AVEN: variants seen among roughly 807,000 people sequenced by gnomAD.
AVEN encodes cell death regulator Aven.
In AVEN, 41 loss-of-function variants were observed where a neutral mutation model predicts 38.1. The observed-to-expected ratio is 1.08, with a 90% confidence interval of 0.84 to 1.40. AVEN has a LOEUF of 1.40. Among genes scored for constraint, AVEN ranks in the 40% most tolerant of loss-of-function variants. AVEN has a pLI of 0.00. For missense variants in AVEN, 605 were observed against 438.8 expected, an observed-to-expected ratio of 1.38 and a Z score of -3.38; for synonymous variants, 206 against 171.8, an observed-to-expected ratio of 1.20 and a Z score of -1.56.
At chr15:34,002,541 G>A (rs927423591) in intron 2 of AVEN, among the ~76,000 whole-genome samples, 2 of 152,002 alleles carry the variant, frequency 1.3e-5, no homozygotes, top group South Asian at 4.2e-4. Flanking sequence ...TTTATTGACA[G>A]AGAAGACTAT....
At position 33,986,104 on chromosome 15, in the gene AVEN, G is replaced by T. The variant is rs7163380; in HGVS notation, c.445+16928C>A. On this transcript the variant is annotated intron_variant, in intron 2 of 5. Transcript: ENST00000306730. Reference sequence around the variant, plus strand: ...CATTTCACTGTAAATTTTTTTTTTTGTTTTTTGTTTTTTGTTTTTTGAGAT... The same window carrying T: ...CATTTCACTGTAAATTTTTTTTTTTTTTTTTTGTTTTTTGTTTTTTGAGAT... Among the ~76,000 whole-genome samples the T allele has an allele frequency of 1.2e-4, 18 of 151,446 alleles. No individual in the cohort carries two copies. The East Asian group carries it at 2.1e-3, about 18-fold the overall frequency.
At chr15:33,859,240 CACTCTTAA>C (rs2080073546) in intron 11 of AVEN, 1 of 243,648 alleles carries the variant, frequency 4.1e-6, no homozygotes, top group Non-Finnish European at 7.9e-6. Context: ...GCCAGGCTAA[CACTCTTAA>C]AATTAAATGA....
intron 5 of AVEN, among the ~76,000 whole-genome samples, chr15:33,866,992 G>T (rs191299322): frequency 6.6e-6 from 1 of 151,998 alleles, no homozygotes; most frequent in Admixed American, 6.6e-5. Flanking sequence ...TATTGCAGCA[G>T]TCCTGGAAAA....
At position 34,055,235 on chromosome 15, in the gene AVEN, G is replaced by A. The variant is rs374168315; in HGVS notation, n.1637+7687C>T. Among the ~76,000 whole-genome samples, 34 of 149,532 alleles carry A rather than the reference G, an allele frequency of 2.3e-4. 1 individual carries two copies. In the East Asian group the frequency reaches 5.0e-3, roughly 22 times the overall value. ...TAAACAAGGCCAGGCCCGGTAGCTC[G>A]CACCTGTAATCCCAGCATTTGGGAG... On this transcript the variant is annotated intron_variant and non_coding_transcript_variant, in intron 5 of 11. Transcript: ENST00000675287.
At chr15:34,005,969 A>C (rs1421090462) in intron 1 of AVEN, among the ~76,000 whole-genome samples, 1 of 152,228 alleles carries the variant, frequency 6.6e-6, no homozygotes, top group Non-Finnish European at 1.5e-5. Context: ...GATTAAAGAG[A>C]TATAATAGAA....
At chr15:34,047,317 T>C (rs955657352) in intron 5 of AVEN, among the ~76,000 whole-genome samples, 1 of 152,138 alleles carries the variant, frequency 6.6e-6, no homozygotes, top group South Asian at 2.1e-4. Context: ...GACCTGATGA[T>C]CCGCCCGTGT....
chr15:33,861,306 G>C (rs1297103532), downstream of AVEN: 2 of 614,358 alleles, frequency 3.3e-6, no homozygotes, highest in Non-Finnish European at 5.8e-6. Context: ...CCATGAGCCT[G>C]TACCTTTGTC....
chr15:34,054,865 C>A (rs1162408302), intron 5 of AVEN, among the ~76,000 whole-genome samples: 1 of 152,132 alleles, frequency 6.6e-6, no homozygotes, highest in Non-Finnish European at 1.5e-5. Flanking sequence ...AAAAAAGGAA[C>A]AAATGGTTGC....
chr15:33,855,046 C>A, downstream of AVEN: 1 of 907,318 alleles, frequency 1.1e-6, no homozygotes, highest in African/African-American at 1.7e-5. Flanking sequence ...CCAAACACTT[C>A]AACTAATGGT....
intron 1 of AVEN, among the ~76,000 whole-genome samples, chr15:34,013,451 G>A (rs900924773): frequency 6.6e-6 from 1 of 152,176 alleles, no homozygotes; most frequent in Admixed American, 6.5e-5. Flanking sequence ...ACTCTAAGTG[G>A]CACTTATTGT....
intron 1 of AVEN, among the ~76,000 whole-genome samples, chr15:34,030,226 C>T (rs1410107291): frequency 6.6e-6 from 1 of 152,252 alleles, no homozygotes; most frequent in South Asian, 2.1e-4. Flanking sequence ...TGCATTCCAG[C>T]CTGGGTGACA....
chr15:33,882,648 A>C (rs775521245), intron 2 of AVEN, among the ~76,000 whole-genome samples: 1 of 152,114 alleles, frequency 6.6e-6, no homozygotes, highest in Non-Finnish European at 1.5e-5. Context: ...GGAAGGATCA[A>C]TTGAGGCCAG....
chr15:33,985,410 T>G (rs76946977), intron 2 of AVEN, among the ~76,000 whole-genome samples: 10,689 of 149,622 alleles, frequency 0.071, 523 homozygotes, highest in South Asian at 0.2. Flanking sequence ...CTGAGCTGAG[T>G]GCATGCCCTC....
At chr15:33,854,596 A>G, downstream of AVEN, 1 of 1,059,652 alleles carries the variant, frequency 9.4e-7, no homozygotes, top group Non-Finnish European at 1.4e-6. Flanking sequence ...CACTTATACA[A>G]TGGTATAAGG....
intron 5 of AVEN, 79 bp from the exon 6 acceptor site, chr15:33,866,807 T>A: frequency 1.0e-6 from 1 of 998,808 alleles, no homozygotes; most frequent in Non-Finnish European, 1.5e-6. Context: ...TTTATTACTT[T>A]CCTTACAACA....
chr15:33,862,712 G>A (rs546231714), downstream of AVEN, among the ~76,000 whole-genome samples: 23 of 152,072 alleles, frequency 1.5e-4, 2 homozygotes, highest in South Asian at 3.7e-3. Context: ...CTGGATTCAA[G>A]TGATTCTCCT....
At chr15:34,017,303 A>G (rs1044232654) in intron 1 of AVEN, among the ~76,000 whole-genome samples, 2 of 152,142 alleles carry the variant, frequency 1.3e-5, no homozygotes, top group Non-Finnish European at 2.9e-5. Flanking sequence ...CATTTTAAAC[A>G]GCATGGAGAT....
intron 2 of AVEN, among the ~76,000 whole-genome samples, chr15:33,951,423 G>GT (rs1894742236): frequency 2.0e-5 from 3 of 151,828 alleles, no homozygotes; most frequent in Non-Finnish European, 4.4e-5. Context: ...AGGGGTGGGG[G>GT]AGGGAGGAGG....
At chr15:33,854,644 C>T (rs1567331773), downstream of AVEN, 2 of 1,306,078 alleles carry the variant, frequency 1.5e-6, no homozygotes, top group East Asian at 4.6e-5. Context: ...GGCCAGCTCA[C>T]AGCACCTCAG....
Sources: allele counts gnomAD v4.1 joint callset (sites outside exome capture counted in the v4.1 genomes callset), GRCh38; gene constraint gnomAD v4.1.1; transcripts MANE v1.5; gene names NCBI Gene and HGNC (gene_info 2026-07-23, HGNC 2026-07-21).